GTF2IRD1: variants seen among roughly 807,000 people sequenced by gnomAD.
GTF2IRD1 encodes GTF2I repeat domain containing 1.
A neutral mutation model predicts 113.2 loss-of-function variants in GTF2IRD1; 26 were observed. The ratio of observed to expected loss-of-function variants is 0.23; its 90% CI spans 0.17 to 0.32. GTF2IRD1 has a LOEUF of 0.32. GTF2IRD1 is among the 10% of genes least tolerant of loss of function. The pLI, the probability that GTF2IRD1 is intolerant of heterozygous loss-of-function variation, is 1.00. For synonymous variants in GTF2IRD1, 484 were observed against 529.1 expected, an observed-to-expected ratio of 0.91 and a Z score of 1.17; for missense variants, 864 against 1,280.8, an observed-to-expected ratio of 0.67 and a Z score of 4.97.
At chr7:74,472,676 C>T (rs144236179) in intron 1 of GTF2IRD1, among the ~76,000 whole-genome samples, 416 of 152,286 alleles carry the variant, frequency 2.7e-3, no homozygotes, top group Admixed American at 5.8e-3. Flanking sequence ...TGCTTCAACC[C>T]GGGAGGCGGA....
At chr7:74,595,082 G>C in intron 25 of GTF2IRD1, 31 bp downstream of exon 25, 1 of 1,528,054 alleles carries the variant, frequency 6.5e-7, no homozygotes, top group African/African-American at 1.4e-5. Flanking sequence ...CCACCCTTCT[G>C]CTCCGTGGGG....
At chr7:74,591,768 A>T (rs1554369745) in intron 24 of GTF2IRD1, among the ~76,000 whole-genome samples, 1 of 151,976 alleles carries the variant, frequency 6.6e-6, no homozygotes, top group African/African-American at 2.4e-5. Context: ...TTGCCCAGGC[A>T]GGAGTACAGA....
intron 22 of GTF2IRD1, among the ~76,000 whole-genome samples, chr7:74,580,295 A>G (rs113435650): frequency 0.011 from 1,723 of 152,222 alleles, 35 homozygotes; most frequent in South Asian, 0.072. Context: ...GAGAAGGACC[A>G]TTATCCCACG....
intron 1 of GTF2IRD1, among the ~76,000 whole-genome samples, chr7:74,458,209 T>C (rs1002841231): frequency 6.6e-6 from 1 of 151,992 alleles, no homozygotes; most frequent in East Asian, 1.9e-4. Flanking sequence ...CGGGATAATA[T>C]GGGGCCGCTA....
intron 13 of GTF2IRD1, among the ~76,000 whole-genome samples, chr7:74,539,125 G>A (rs1554351029): frequency 6.6e-6 from 1 of 152,188 alleles, no homozygotes; most frequent in Non-Finnish European, 1.5e-5. Flanking sequence ...TTTGGGCGCT[G>A]GAGCCTCAGT....
chr7:74,470,776 G>A (rs188386868), intron 1 of GTF2IRD1, among the ~76,000 whole-genome samples: 6 of 152,118 alleles, frequency 3.9e-5, no homozygotes, highest in African/African-American at 1.4e-4. Flanking sequence ...AGACTGGAAA[G>A]GCCGCTTCCA....
chr7:74,569,363 C>T (rs1157770813), intron 22 of GTF2IRD1, among the ~76,000 whole-genome samples: 1 of 152,206 alleles, frequency 6.6e-6, no homozygotes, highest in Non-Finnish European at 1.5e-5. Flanking sequence ...ACTGAGCAAA[C>T]AGCCTGAAAC....
chr7:74,595,172 G>C, intron 25 of GTF2IRD1, 121 bp downstream of exon 25: 1 of 567,934 alleles, frequency 1.8e-6, no homozygotes, highest in Non-Finnish European at 3.2e-6. Flanking sequence ...TTGGGAGGCC[G>C]AGGCAGGCAG....
chr7:74,495,152 C>T (rs1014048299), intron 1 of GTF2IRD1, among the ~76,000 whole-genome samples: 3 of 152,236 alleles, frequency 2.0e-5, no homozygotes, highest in Admixed American at 1.3e-4. Flanking sequence ...AGCTGGATTC[C>T]AGGGGTCTGA....
chr7:74,582,302 G>A (rs1312055222), intron 22 of GTF2IRD1, among the ~76,000 whole-genome samples: 1 of 152,256 alleles, frequency 6.6e-6, no homozygotes, highest in African/African-American at 2.4e-5. Context: ...GTCTTCACCT[G>A]TGGTTCAGGT....
At chr7:74,472,819 GC>G (rs1794188034) in intron 1 of GTF2IRD1, among the ~76,000 whole-genome samples, 1 of 152,208 alleles carries the variant, frequency 6.6e-6, no homozygotes, top group South Asian at 2.1e-4. Flanking sequence ...GGGCCTCCTT[GC>G]CCTCCTGCAG....
At chr7:74,500,868 TGTG>T (rs1795993346) in intron 1 of GTF2IRD1, among the ~76,000 whole-genome samples, 1 of 151,902 alleles carries the variant, frequency 6.6e-6, no homozygotes, top group Non-Finnish European at 1.5e-5. Context: ...GGACCACAGG[TGTG>T]GACCACCACA....
At chr7:74,553,423 G>A (rs1799421369) in intron 17 of GTF2IRD1, among the ~76,000 whole-genome samples, 1 of 152,146 alleles carries the variant, frequency 6.6e-6, no homozygotes, top group African/African-American at 2.4e-5. Flanking sequence ...GAGTAGCTGG[G>A]ACTGCAGGGG....
At chr7:74,496,487 G>A (rs1270611157) in intron 1 of GTF2IRD1, among the ~76,000 whole-genome samples, 1 of 104,080 alleles carries the variant, frequency 9.6e-6, no homozygotes, top group Non-Finnish European at 2.2e-5. Flanking sequence ...GTGCACGTAT[G>A]TGTGTGTGTG....
intron 1 of GTF2IRD1, among the ~76,000 whole-genome samples, chr7:74,477,819 G>A (rs755644919): frequency 2.0e-5 from 3 of 152,164 alleles, no homozygotes; most frequent in Non-Finnish European, 4.4e-5. Flanking sequence ...GATCACCCAC[G>A]AGTAATGGGC....
intron 25 of GTF2IRD1, among the ~76,000 whole-genome samples, chr7:74,596,459 C>CAAAAAA (rs1184751959): frequency 1.7e-5 from 1 of 60,488 alleles, no homozygotes; most frequent in Non-Finnish European, 3.2e-5. Context: ...GACTCTGTCT[C>CAAAAAA]AAAAAAAAAA....
intron 1 of GTF2IRD1, among the ~76,000 whole-genome samples, chr7:74,485,403 G>A (rs910816991): frequency 6.6e-6 from 1 of 151,062 alleles, no homozygotes; most frequent in Non-Finnish European, 1.5e-5. Context: ...GGATCACGAG[G>A]TCAGGAGATC....
At position 74,546,760 on chromosome 7, in the gene GTF2IRD1, G is replaced by A. The variant is rs59956370; in HGVS notation, c.1733-343G>A. On this transcript the variant is annotated intron_variant, in intron 16 of 26. Coordinates refer to ENST00000424337, the MANE Select transcript of GTF2IRD1 (RefSeq NM_005685.4). ...TGGAAGGGCGAGGCCCAGTGGACTC[G>A]GGGAAGCAATGCCGAATCTCAGCAG... Among the ~76,000 whole-genome samples the A allele has an allele frequency of 2.7e-3, 223 of 81,768 alleles. 1 individual carries two copies. Among genetic ancestry groups the A allele is most frequent in the African/African-American group, 8.1e-3 (185 of 22,862 alleles). The allele number at this position is 81,768 out of a possible 152,430, so 53.6% of individuals were successfully genotyped here. A position where few individuals can be genotyped will look rare whatever the true frequency, so the allele number is the denominator to read the frequency against.
In GTF2IRD1 at chr7:74,536,297, C is replaced by CGGA. The variant is rs782352689; in HGVS notation, c.1409+25_1409+27dup. ...CTCGGTGAGGCCCCGCCCCTGGCCC[C>CGGA]GGAGGCCCGCGGCCAGCCCTGCTCT... is the stretch of plus-strand genomic sequence containing the variant. On this transcript the variant is annotated intron_variant, in intron 11 of 26. Transcript: ENST00000424337. 3.2e-5 allele frequency: 46 copies of CGGA among 1,457,470 alleles called. 1 individual carries two copies. In the South Asian group the frequency reaches 4.9e-4, roughly 16 times the overall value. 90.3% of individuals were successfully genotyped at this position (1,457,470 alleles called of 1,614,324 possible). A position where few individuals can be genotyped will look rare whatever the true frequency, so the allele number is the denominator to read the frequency against.
Sources: allele counts gnomAD v4.1 joint callset (sites outside exome capture counted in the v4.1 genomes callset), GRCh38; gene constraint gnomAD v4.1.1; transcripts MANE v1.5; gene names NCBI Gene and HGNC (gene_info 2026-07-23, HGNC 2026-07-21).